The following GPC6 variants were observed in gnomAD, a reference collection of about 807,000 sequenced individuals.
The protein encoded by GPC6 is glypican 6, also known as glypican-6.
In GPC6, 14 loss-of-function variants were observed where a neutral mutation model predicts 55.2. That is an observed-to-expected ratio of 0.25 (90% CI 0.17 to 0.40). GPC6 has a LOEUF of 0.40. GPC6 is among the 10% of genes least tolerant of loss of function. The pLI, the probability that GPC6 is intolerant of heterozygous loss-of-function variation, is 1.00. For missense variants in GPC6, 641 were observed against 708.5 expected (o/e 0.90, Z 1.08); for synonymous variants, 278 against 259.6 (o/e 1.07, Z -0.68).
chr13:93,928,963 G>A (rs1878011235), intron 3 of GPC6, among the ~76,000 whole-genome samples: 1 of 151,788 alleles, frequency 6.6e-6, no homozygotes, highest in Non-Finnish European at 1.5e-5. Flanking sequence ...ACTAGAAACA[G>A]GAGAATGTGT....
chr13:93,467,784 T>C (rs963697547), intron 1 of GPC6, among the ~76,000 whole-genome samples: 15 of 151,860 alleles, frequency 9.9e-5, no homozygotes, highest in African/African-American at 3.6e-4. Flanking sequence ...AGAGACAGTT[T>C]CTCCTTATCT....
intron 3 of GPC6, among the ~76,000 whole-genome samples, chr13:93,846,521 G>C (rs902279865): frequency 2.0e-5 from 3 of 152,128 alleles, no homozygotes; most frequent in Admixed American, 6.6e-5. Flanking sequence ...TATATAATTT[G>C]AAATTTTCAG....
intron 7 of GPC6, among the ~76,000 whole-genome samples, chr13:94,386,134 C>T (rs969245419): frequency 2.7e-5 from 4 of 150,468 alleles, no homozygotes; most frequent in African/African-American, 7.3e-5. Context: ...CCAAGGCGGG[C>T]GGATGATGAG....
chr13:93,470,395 C>T (rs752645647), intron 1 of GPC6, among the ~76,000 whole-genome samples: 14 of 152,014 alleles, frequency 9.2e-5, no homozygotes, highest in East Asian at 3.9e-4. Context: ...GATTTCTTTT[C>T]GGACTGTTAA....
chr13:93,749,661 G>A (rs1884511262), intron 2 of GPC6, among the ~76,000 whole-genome samples: 1 of 151,892 alleles, frequency 6.6e-6, no homozygotes, highest in South Asian at 2.1e-4. Flanking sequence ...AATATGTAAA[G>A]GTTCTATAAT....
intron 1 of GPC6, among the ~76,000 whole-genome samples, chr13:93,384,223 A>AT (rs1358289487): frequency 6.6e-6 from 1 of 152,154 alleles, no homozygotes; most frequent in Non-Finnish European, 1.5e-5. Context: ...TATCTAAGAG[A>AT]TTTTTTTAAA....
chr13:94,031,320 G>A lies in GPC6; in HGVS notation c.877+3426G>A, dbSNP rs553923189. 5.9e-5 allele frequency among the ~76,000 whole-genome samples: 9 copies of A among 152,194 alleles called. No homozygotes were observed. In the South Asian group the frequency reaches 1.0e-3, roughly 18 times the overall value. ...TTCCTTACAACATTGAAAAAATGCC[G>A]CTAGACCTATTTTAGAGTACTTAAA... On this transcript the variant is annotated intron_variant, in intron 4 of 8. Transcript: ENST00000377047.
At chr13:93,521,048 G>A (rs1192624243) in intron 1 of GPC6, among the ~76,000 whole-genome samples, 23 of 151,838 alleles carry the variant, frequency 1.5e-4, no homozygotes, top group Admixed American at 1.4e-3. Flanking sequence ...AAATGTACAC[G>A]TATATGTTAG....
intron 6 of GPC6, among the ~76,000 whole-genome samples, chr13:94,355,581 G>A (rs375404753): frequency 2.3e-3 from 352 of 152,262 alleles, no homozygotes; most frequent in Non-Finnish European, 3.9e-3. Flanking sequence ...GAAATGAAAT[G>A]ATGAAATTGT....
intron 6 of GPC6, among the ~76,000 whole-genome samples, chr13:94,341,438 T>C (rs1878029353): frequency 6.6e-6 from 1 of 151,966 alleles, no homozygotes; most frequent in Non-Finnish European, 1.5e-5. Flanking sequence ...TACAAAAAAT[T>C]AGCCAGATGT....
intron 3 of GPC6, among the ~76,000 whole-genome samples, chr13:93,897,566 C>T (rs1476751619): frequency 2.0e-5 from 3 of 152,136 alleles, no homozygotes; most frequent in Non-Finnish European, 2.9e-5. Context: ...AAACTAGCCT[C>T]TTCAGATTCA....
At chr13:93,551,848 A>G (rs750295788) in intron 2 of GPC6, among the ~76,000 whole-genome samples, 23 of 152,188 alleles carry the variant, frequency 1.5e-4, no homozygotes, top group Admixed American at 1.2e-3. Context: ...TCACAGCAAG[A>G]CAGACACAAT....
At chr13:93,800,329 CA>C (rs1162698412) in intron 2 of GPC6, among the ~76,000 whole-genome samples, 1 of 152,092 alleles carries the variant, frequency 6.6e-6, no homozygotes, top group Non-Finnish European at 1.5e-5. Flanking sequence ...TCATAATGGG[CA>C]AAGCTGAATA....
chr13:94,377,257 CA>C (rs1879914180), intron 6 of GPC6, among the ~76,000 whole-genome samples: 1 of 146,560 alleles, frequency 6.8e-6, no homozygotes, highest in South Asian at 2.2e-4. Flanking sequence ...AGTGAACAGG[CA>C]ACCTACAAAA....
At chr13:93,592,632 A>C (rs1877546079) in intron 2 of GPC6, among the ~76,000 whole-genome samples, 1 of 151,514 alleles carries the variant, frequency 6.6e-6, no homozygotes, top group South Asian at 2.1e-4. Context: ...TGCTAAAAAT[A>C]AATCTTTGAT....
At chr13:93,444,928 C>T (rs1371500758) in intron 1 of GPC6, among the ~76,000 whole-genome samples, 1 of 152,162 alleles carries the variant, frequency 6.6e-6, no homozygotes, top group East Asian at 1.9e-4. Flanking sequence ...TCTTATTTCA[C>T]TGAGTATGGA....
intron 6 of GPC6, among the ~76,000 whole-genome samples, chr13:94,320,397 G>A (rs1415251155): frequency 6.6e-6 from 1 of 152,038 alleles, no homozygotes; most frequent in African/African-American, 2.4e-5. Flanking sequence ...CTTACAAATG[G>A]TGCTTTATTT....
intron 1 of GPC6, among the ~76,000 whole-genome samples, chr13:93,432,036 C>G (rs1877379468): frequency 6.6e-6 from 1 of 152,166 alleles, no homozygotes; most frequent in African/African-American, 2.4e-5. Flanking sequence ...CTATAATCTA[C>G]ATACGTCACC....
At chr13:94,274,789 C>T (rs928596351) in intron 4 of GPC6, among the ~76,000 whole-genome samples, 2 of 150,872 alleles carry the variant, frequency 1.3e-5, no homozygotes, top group African/African-American at 4.9e-5. Context: ...TAACCTCTGA[C>T]AGAAGCAAAA....
Sources: gnomAD v4.1 joint callset for allele counts (sites outside exome capture counted in the v4.1 genomes callset) on GRCh38, gnomAD v4.1.1 for gene constraint, MANE v1.5 for transcripts, NCBI Gene and HGNC (gene_info 2026-07-23, HGNC 2026-07-21) for gene names.